The following PCDH15 variants were observed in gnomAD, a reference collection of about 807,000 sequenced individuals.
The protein encoded by PCDH15 is protocadherin related 15.
Under a neutral mutation model 178.5 loss-of-function variants are expected in PCDH15, and 129 were observed. The observed-to-expected ratio is 0.72, with a 90% CI of 0.63 to 0.84. PCDH15 has a LOEUF of 0.84. Among genes scored for constraint, PCDH15 ranks in the 40% least tolerant of loss-of-function variants. The probability of loss-of-function intolerance (pLI) is 0.00; values close to 1 mark genes in which losing one functional copy is unlikely to be tolerated. For synonymous variants in PCDH15, 800 were observed against 732.0 expected, an observed-to-expected ratio of 1.09 and a Z score of -1.50; for missense variants, 2,230 against 2,099.9, an observed-to-expected ratio of 1.06 and a Z score of -1.21.
At chr10:54,030,282 T>C (rs188946657) in intron 18 of PCDH15, among the ~76,000 whole-genome samples, 1 of 151,828 alleles carries the variant, frequency 6.6e-6, no homozygotes, top group African/African-American at 2.4e-5. Flanking sequence ...ATCAGGGAGG[T>C]TGGGCAGTGC....
At chr10:54,545,278 C>G (rs1321230966) in intron 2 of PCDH15, among the ~76,000 whole-genome samples, 1 of 152,086 alleles carries the variant, frequency 6.6e-6, no homozygotes, top group Non-Finnish European at 1.5e-5. Flanking sequence ...TACTAATTAA[C>G]AGTTATGTTA....
chr10:54,726,300 A>G (rs1357872772), intron 1 of PCDH15, among the ~76,000 whole-genome samples: 1 of 151,708 alleles, frequency 6.6e-6, no homozygotes. Context: ...AATTATTATT[A>G]TAGAGAAACT....
At chr10:54,001,024 G>T (rs1245894991) in intron 20 of PCDH15, among the ~76,000 whole-genome samples, 1 of 150,484 alleles carries the variant, frequency 6.6e-6, no homozygotes, top group Non-Finnish European at 1.5e-5. Flanking sequence ...GGCCAAGAGA[G>T]AGTGGCATGT....
At chr10:55,105,454 C>A (rs538172719) in intron 2 of PCDH15, among the ~76,000 whole-genome samples, 1 of 152,198 alleles carries the variant, frequency 6.6e-6, no homozygotes, top group East Asian at 1.9e-4. Context: ...TTTACTATGG[C>A]AAATACTAAT....
At chr10:55,453,631 G>C (rs1565155200) in intron 2 of PCDH15, among the ~76,000 whole-genome samples, 2 of 151,942 alleles carry the variant, frequency 1.3e-5, no homozygotes, top group African/African-American at 4.8e-5. Context: ...TTACTTCTCA[G>C]TCCCATTTCC....
intron 2 of PCDH15, among the ~76,000 whole-genome samples, chr10:55,338,831 C>T (rs1020474959): frequency 2.6e-5 from 4 of 151,996 alleles, no homozygotes; most frequent in Admixed American, 6.6e-5. Context: ...TTGGCAACAA[C>T]GTGGATGGAA....
chr10:55,299,148 A>G (rs16907217), intron 1 of PCDH15, among the ~76,000 whole-genome samples: 11,203 of 152,178 alleles, frequency 0.074, 851 homozygotes, highest in African/African-American at 0.2. Context: ...GTTTCGTCCC[A>G]TTTTATGATT....
intron 2 of PCDH15, among the ~76,000 whole-genome samples, chr10:54,609,727 A>C (rs564456853): frequency 1.3e-5 from 2 of 152,126 alleles, no homozygotes; most frequent in East Asian, 3.9e-4. Flanking sequence ...GGTGTAAAGC[A>C]ATGTTTTCTT....
At chr10:54,803,143 T>C (rs1591709697), upstream of PCDH15, among the ~76,000 whole-genome samples, 1 of 152,286 alleles carries the variant, frequency 6.6e-6, no homozygotes, top group East Asian at 1.9e-4. Context: ...TTGCATAATA[T>C]TCTGTCACCT....
At chr10:54,448,767 T>G (rs1466626271) in intron 3 of PCDH15, among the ~76,000 whole-genome samples, 2 of 151,756 alleles carry the variant, frequency 1.3e-5, no homozygotes, top group African/African-American at 4.8e-5. Context: ...AACTTCCTTC[T>G]CTGAAAGGCT....
upstream of PCDH15, among the ~76,000 whole-genome samples, chr10:55,322,608 T>C (rs1843927896): frequency 6.6e-6 from 1 of 152,062 alleles, no homozygotes; most frequent in Non-Finnish European, 1.5e-5. Context: ...ATGAGGAACT[T>C]GTTGAACTGG....
intron 1 of PCDH15, among the ~76,000 whole-genome samples, chr10:55,241,131 G>T (rs372821739): frequency 6.6e-6 from 1 of 152,080 alleles, no homozygotes; most frequent in Non-Finnish European, 1.5e-5. Context: ...CAGGAGAATC[G>T]CTTGCACCCG....
chr10:54,843,539 T>G (rs1196591323), intron 3 of PCDH15, among the ~76,000 whole-genome samples: 1 of 152,048 alleles, frequency 6.6e-6, no homozygotes, highest in African/African-American at 2.4e-5. Context: ...GAGACATAAC[T>G]CAAATTGAAG....
At chr10:55,426,555 C>A (rs1332592782) in intron 2 of PCDH15, among the ~76,000 whole-genome samples, 1 of 152,130 alleles carries the variant, frequency 6.6e-6, no homozygotes, top group South Asian at 2.1e-4. Flanking sequence ...TGCTCTTTAG[C>A]TCGGCCGTCC....
chr10:54,892,829 C>A (rs912785445), intron 3 of PCDH15, among the ~76,000 whole-genome samples: 9 of 151,126 alleles, frequency 6.0e-5, no homozygotes, highest in African/African-American at 1.9e-4. Context: ...CAGGTTCAAG[C>A]AATTCTCTTG....
intron 2 of PCDH15, among the ~76,000 whole-genome samples, chr10:54,652,497 T>C (rs571988292): frequency 7.2e-5 from 11 of 152,346 alleles, no homozygotes; most frequent in Middle Eastern, 3.4e-3. Flanking sequence ...TTCAGTGTTA[T>C]GGGCTAGATT....
intron 2 of PCDH15, among the ~76,000 whole-genome samples, chr10:54,962,694 C>T (rs887795418): frequency 9.2e-5 from 14 of 152,330 alleles, no homozygotes; most frequent in African/African-American, 2.9e-4. Context: ...GCCACAGCAG[C>T]TGGGTTGCTT....
At chr10:55,553,269 T>A (rs868289352) in intron 2 of PCDH15, among the ~76,000 whole-genome samples, 1 of 151,698 alleles carries the variant, frequency 6.6e-6, no homozygotes, top group Non-Finnish European at 1.5e-5. Context: ...CCTCTGGATT[T>A]CTGATTCTCA....
At position 55,458,424 on chromosome 10, in the gene PCDH15, T is replaced by G. The variant is rs1839600154; in HGVS notation, c.-156+169201A>C. On this transcript the variant is annotated intron_variant, in intron 2 of 5. Coordinates refer to the PCDH15 transcript ENST00000613346. The stretch of plus-strand genomic sequence containing the variant: ...GAAAAGGCAATTAACTTCTCTTATC[T>G]ATAAAATATCCTTAAAGAATCTTAT... 2.6e-5 allele frequency among the ~76,000 whole-genome samples: 4 copies of G among 152,080 alleles called. No individual in the cohort carries two copies. In the South Asian group the frequency reaches 8.3e-4, roughly 31 times the overall value.
Sources: allele counts gnomAD v4.1 joint callset (sites outside exome capture counted in the v4.1 genomes callset), GRCh38; gene constraint gnomAD v4.1.1; transcripts MANE v1.5; gene names NCBI Gene and HGNC (gene_info 2026-07-23, HGNC 2026-07-21).